TRMT10B: variants seen among roughly 807,000 people sequenced by gnomAD.
The protein encoded by TRMT10B is tRNA methyltransferase 10 homolog B.
TRMT10B carries 33 observed loss-of-function variants against 43.8 expected under a neutral mutation model. The observed-to-expected ratio is 0.75, with a 90% CI of 0.57 to 1.01. The LOEUF is 1.01. Ranked by LOEUF, TRMT10B falls within the 50% of genes least tolerant of loss-of-function variation. The pLI, the probability that TRMT10B is intolerant of heterozygous loss-of-function variation, is 0.00. For synonymous variants in TRMT10B, 137 were observed against 130.6 expected (o/e 1.05, Z -0.34); for missense variants, 362 against 369.8 (o/e 0.98, Z 0.17).
rs554815607 is a variant in TRMT10B, at chr9:37,771,362, C to T, written c.720+623C>T. Among the ~76,000 whole-genome samples, 13 of 152,218 alleles carry T rather than the reference C, an allele frequency of 8.5e-5. 3 individuals carry two copies. Among genetic ancestry groups the T allele is most frequent in the African/African-American group, 3.1e-4 (13 of 41,528 alleles). On this transcript the variant is annotated intron_variant, in intron 7 of 8. Transcript: ENST00000297994. ...CCCAATTCCCCTCCCCTGAGGCAACCGATGTCAAGTTTTCTTGTGTATCCT... is the reference window on the plus strand; with the variant it reads ...CCCAATTCCCCTCCCCTGAGGCAACTGATGTCAAGTTTTCTTGTGTATCCT...
chr9:37,760,650 C>CA (rs1826226825), intron 1 of TRMT10B, among the ~76,000 whole-genome samples: 1 of 150,286 alleles, frequency 6.7e-6, no homozygotes, highest in South Asian at 2.2e-4. Flanking sequence ...AGTTAATTAC[C>CA]AAAAGAACAA....
At chr9:37,764,742 T>A (rs143173397) in intron 4 of TRMT10B, among the ~76,000 whole-genome samples, 1 of 152,082 alleles carries the variant, frequency 6.6e-6, no homozygotes, top group South Asian at 2.1e-4. Context: ...TGTGTTTTAA[T>A]TGATGCTCAT....
At position 37,770,671 on chromosome 9, in the gene TRMT10B, G is replaced by A. The variant is rs1399213453; in HGVS notation, c.653-1G>A. 3.1e-6 allele frequency: 5 copies of A among 1,612,048 alleles called. No individual in the cohort carries two copies. Among genetic ancestry groups the A allele is most frequent in the Non-Finnish European group, 4.2e-6 (5 of 1,179,502 alleles). On this transcript the variant is annotated splice_acceptor_variant, in intron 6 of 8. Transcript: ENST00000297994. LOFTEE classifies it high-confidence loss of function. ...CTCATTGGCCTTCATTTTTTCATTAGCTCTTGAAGATGTTGATCTAAACAA... is the reference window on the plus strand; with the variant it reads ...CTCATTGGCCTTCATTTTTTCATTAACTCTTGAAGATGTTGATCTAAACAA...
At position 37,761,964 on chromosome 9, in the gene TRMT10B, A is replaced by C. The variant is rs62624977; in HGVS notation, c.33A>C (p.Lys11Asn). MDWKLEGSTQ[K>N]VESPVLQGQE... is the part of the protein sequence containing the mutation. ...GGAAATTGGAAGGGAGTACTCAGAAAGTAGAGTCACCTGTGCTGCAGGGGC... is the reference window on the plus strand; with the variant it reads ...GGAAATTGGAAGGGAGTACTCAGAACGTAGAGTCACCTGTGCTGCAGGGGC... The change falls in exon 2 of 9, where the codon AAA becomes AAC. Residue 11 changes from lysine (K) to asparagine (N), a missense_variant. Physicochemically the swap from Lys to Asn is moderately conservative, Grantham distance 94 (BLOSUM62 0). Coordinates refer to ENST00000297994, the MANE Select transcript of TRMT10B (RefSeq NM_144964.4). 2,562 of 1,613,802 alleles carry C rather than the reference A, an allele frequency of 1.6e-3. 36 individuals carry two copies. The African/African-American group carries it at 0.03, about 19-fold the overall frequency.
At chr9:37,775,947 A>G (rs1828092673) in intron 7 of TRMT10B, among the ~76,000 whole-genome samples, 1 of 152,186 alleles carries the variant, frequency 6.6e-6, no homozygotes, top group Admixed American at 6.5e-5. Context: ...AATGAGCTGG[A>G]AGTTCCAGAT....
chr9:37,756,558 T>C (rs188859782), intron 1 of TRMT10B, among the ~76,000 whole-genome samples: 2 of 151,774 alleles, frequency 1.3e-5, no homozygotes, highest in African/African-American at 2.4e-5. Context: ...ATGAAAAAAT[T>C]AGCGTGGTGT....
At chr9:37,775,798 GTGT>G (rs2118930524) in intron 7 of TRMT10B, among the ~76,000 whole-genome samples, 1 of 152,260 alleles carries the variant, frequency 6.6e-6, no homozygotes, top group African/African-American at 2.4e-5. Context: ...TGGCCTCAAA[GTGT>G]TGTGTGAGGC....
At chr9:37,769,914 T>C (rs1279623908) in intron 5 of TRMT10B, 27 bp from the exon 6 acceptor site, 1 of 1,602,864 alleles carries the variant, frequency 6.2e-7, no homozygotes, top group Non-Finnish European at 8.5e-7. Context: ...TGAGCTGTTT[T>C]AACATCAGAC....
chr9:37,760,075 C>T (rs1826159568), intron 1 of TRMT10B, among the ~76,000 whole-genome samples: 1 of 152,144 alleles, frequency 6.6e-6, no homozygotes, highest in Non-Finnish European at 1.5e-5. Flanking sequence ...CATGTAATCC[C>T]AGCACTTTGG....
At position 37,753,813 on chromosome 9, in the gene TRMT10B, G is replaced by C. The variant is rs558185859; in HGVS notation, c.-69G>C. ...GCGAGGCCGGGGGCGGGGGGGATCCGATGCGCGCCGCTGCCGCTGCGTGGG... is the reference window on the plus strand; with the variant it reads ...GCGAGGCCGGGGGCGGGGGGGATCCCATGCGCGCCGCTGCCGCTGCGTGGG... On this transcript the variant is annotated 5_prime_UTR_variant, in exon 1 of 9. Coordinates refer to ENST00000297994, the MANE Select transcript of TRMT10B (RefSeq NM_144964.4). 3 of 152,514 alleles carry C rather than the reference G, an allele frequency of 2.0e-5. No individual in the cohort carries two copies. The highest frequency in any genetic ancestry group is 7.2e-5 in the African/African-American group (3 of 41,568). 9.4% of individuals were successfully genotyped at this position (152,514 alleles called of 1,614,324 possible).
Position 37,770,374 on chromosome 9 carries a change from G to C in TRMT10B, c.653-298G>C, listed in dbSNP as rs75957236. ...TTTCACATAATTTTAAAATGTATTGGTATTCAGTTGATCATAGTATTCTCA... is the reference window on the plus strand; with the variant it reads ...TTTCACATAATTTTAAAATGTATTGCTATTCAGTTGATCATAGTATTCTCA... On this transcript the variant is annotated intron_variant, in intron 6 of 8. Transcript: ENST00000297994. Among the ~76,000 whole-genome samples, 68 of 152,228 alleles carry C rather than the reference G, an allele frequency of 4.5e-4. 1 individual carries two copies. Among genetic ancestry groups the C allele is most frequent in the African/African-American group, 1.5e-3 (64 of 41,534 alleles).
rs368701279 is a variant in TRMT10B, at chr9:37,762,125, C to T, written c.186+8C>T. ...AGTACGGCATGGTGCTCGGTGAGTG[C>T]GTGAATTGCCTGGCCATAGGCCTTG... On this transcript the variant is annotated splice_region_variant and intron_variant, in intron 2 of 8. Coordinates refer to ENST00000297994, the MANE Select transcript of TRMT10B (RefSeq NM_144964.4). 43 of 1,607,626 alleles carry T rather than the reference C, an allele frequency of 2.7e-5. No individual in the cohort carries two copies. Among genetic ancestry groups the T allele is most frequent in the South Asian group, 1.9e-4 (17 of 90,588 alleles).
chr9:37,763,173 A>AAAAAAAC (rs1563991658), intron 3 of TRMT10B, among the ~76,000 whole-genome samples: 16 of 138,536 alleles, frequency 1.2e-4, no homozygotes, highest in East Asian at 6.1e-4. Context: ...AAACAAAAAA[A>AAAAAAAC]AAAATTTAAG....
At chr9:37,761,206 T>C (rs1826289279) in intron 1 of TRMT10B, among the ~76,000 whole-genome samples, 2 of 152,176 alleles carry the variant, frequency 1.3e-5, no homozygotes, top group Non-Finnish European at 2.9e-5. Flanking sequence ...TCAATAAATA[T>C]TTGCTAAAGG....
rs554617766 is a variant in TRMT10B at position 37,774,704 on chromosome 9, C to T, written c.721-1578C>T. On this transcript the variant is annotated intron_variant, in intron 7 of 8. Transcript: ENST00000297994. Reference sequence around the variant, plus strand: ...TATCCTTTCAAATAAGTCCCTGTATCGCTTAAAACATTTTTGGAAGTTCTA... The same window carrying T: ...TATCCTTTCAAATAAGTCCCTGTATTGCTTAAAACATTTTTGGAAGTTCTA... Among the ~76,000 whole-genome samples, 15 of 152,302 alleles carry T rather than the reference C, an allele frequency of 9.8e-5. No individual in the cohort carries two copies. In the South Asian group the frequency reaches 1.2e-3, roughly 13 times the overall value.
intron 6 of TRMT10B, among the ~76,000 whole-genome samples, 199 bp from the exon 7 acceptor site, chr9:37,770,473 T>C (rs767991000): frequency 9.2e-5 from 14 of 152,254 alleles, no homozygotes; most frequent in Non-Finnish European, 1.8e-4. Context: ...TGCTACCCTT[T>C]TTCGTGATTA....
At chr9:37,752,962 T>C (rs1288077604), upstream of TRMT10B, among the ~76,000 whole-genome samples, 1 of 152,144 alleles carries the variant, frequency 6.6e-6, no homozygotes, top group Non-Finnish European at 1.5e-5. Flanking sequence ...ATAAATCTTG[T>C]TGCTTGCTAA....
In TRMT10B at chr9:37,770,731, A is replaced by C. The variant is rs775265649; in HGVS notation, c.712A>C (p.Ile238Leu). The change falls in exon 7 of 9, where the codon ATT becomes CTT. Residue 238 changes from isoleucine (I) to leucine (L), a missense_variant. Transcript: ENST00000297994. ...CCTCGGTGGGCTTGTGGATGAAAGC[A>C]TTCAGAAGGTAAGTATACATTTCAG... is the stretch of plus-strand genomic sequence containing the variant. ...YILGGLVDES[I>L]QKKVTFQKAR... 2.5e-6 allele frequency: 4 copies of C among 1,613,864 alleles called. No individual in the cohort carries two copies. The South Asian group carries it at 4.4e-5, about 18-fold the overall frequency.
chr9:37,755,268 CTT>C (rs61444533), intron 1 of TRMT10B, among the ~76,000 whole-genome samples: 49 of 124,428 alleles, frequency 3.9e-4, no homozygotes, highest in African/African-American at 6.1e-4. Flanking sequence ...AAGACTCCGT[CTT>C]TTTTTTTTTT....
Sources: allele counts gnomAD v4.1 joint callset (sites outside exome capture counted in the v4.1 genomes callset), GRCh38; gene constraint gnomAD v4.1.1; transcripts MANE v1.5; gene names NCBI Gene and HGNC (gene_info 2026-07-23, HGNC 2026-07-21).